The following GRAMD1B variants were observed in gnomAD, a reference collection of about 807,000 sequenced individuals.
GRAMD1B encodes protein Aster-B.
Under a neutral mutation model 99.7 loss-of-function variants are expected in GRAMD1B, and 37 were observed. The ratio of observed to expected loss-of-function variants is 0.37; its 90% CI spans 0.29 to 0.49. The LOEUF is 0.49. GRAMD1B is among the 20% of genes least tolerant of loss of function. GRAMD1B has a pLI of 0.98. For missense variants in GRAMD1B, 888 were observed against 1,009.2 expected, an observed-to-expected ratio of 0.88 and a Z score of 1.63; for synonymous variants, 427 against 387.6, an observed-to-expected ratio of 1.10 and a Z score of -1.19.
At chr11:123,470,606 C>T (rs11219159) in intron 1 of GRAMD1B, among the ~76,000 whole-genome samples, 16,671 of 149,726 alleles carry the variant, frequency 0.11, 1,011 homozygotes, top group South Asian at 0.16. Flanking sequence ...CTCCACCTTT[C>T]GGATTCAAGC....
Position 123,577,591 on chromosome 11 carries a change from C to A in GRAMD1B, c.663+14C>A, listed in dbSNP as rs368507512. 17 of 1,560,068 alleles carry A rather than the reference C, an allele frequency of 1.1e-5. No individual in the cohort carries two copies. The highest frequency in any genetic ancestry group is 1.5e-5 in the Non-Finnish European group (17 of 1,150,106). On this transcript the variant is annotated intron_variant, in intron 3 of 19. Coordinates refer to ENST00000635736, the MANE Select transcript of GRAMD1B (RefSeq NM_001387025.1). ...AAGAATTCCAAGGTGAGCGGGACCCCGTTGAGGCGGTACCTCCTTGTCAGG... is the reference window on the plus strand; with the variant it reads ...AAGAATTCCAAGGTGAGCGGGACCCAGTTGAGGCGGTACCTCCTTGTCAGG...
intron 1 of GRAMD1B, among the ~76,000 whole-genome samples, chr11:123,415,232 A>G (rs534601314): frequency 6.6e-6 from 1 of 151,264 alleles, no homozygotes; most frequent in East Asian, 2.0e-4. Flanking sequence ...CTTCCCGAGT[A>G]GCTGGGACTA....
At position 123,500,046 on chromosome 11, in the gene GRAMD1B, G is replaced by A. The variant is rs78440032; in HGVS notation, c.452+19153G>A. On this transcript the variant is annotated intron_variant, in intron 2 of 19. Coordinates refer to ENST00000635736, the MANE Select transcript of GRAMD1B (RefSeq NM_001387025.1). ...TTATCCTTGTAAATAAGGGTATTTT[G>A]GCCGGACGCAGTGGCTCACGCCTGT... Among the ~76,000 whole-genome samples, 1,510 of 152,284 alleles carry A rather than the reference G, an allele frequency of 9.9e-3. 20 individuals carry two copies. The highest frequency in any genetic ancestry group is 0.035 in the African/African-American group (1,434 of 41,562).
intron 1 of GRAMD1B, among the ~76,000 whole-genome samples, chr11:123,477,588 T>A (rs931556265): frequency 4.8e-5 from 7 of 146,788 alleles, no homozygotes; most frequent in Non-Finnish European, 1.1e-4. Context: ...GTGGCCTCCC[T>A]TTCCCCTCCC....
intron 1 of GRAMD1B, among the ~76,000 whole-genome samples, chr11:123,385,003 T>A (rs1394734002): frequency 2.6e-5 from 4 of 152,236 alleles, no homozygotes; most frequent in Non-Finnish European, 5.9e-5. Context: ...TACTCTAGCT[T>A]ATGTTTCCAG....
chr11:123,618,051 A>T (rs1280196083), intron 17 of GRAMD1B, among the ~76,000 whole-genome samples: 1 of 152,090 alleles, frequency 6.6e-6, no homozygotes, highest in Non-Finnish European at 1.5e-5. Context: ...AGAGCTAGGG[A>T]CCCACTGGAA....
chr11:123,494,828 C>G (rs1207321275), intron 2 of GRAMD1B, among the ~76,000 whole-genome samples: 1 of 152,118 alleles, frequency 6.6e-6, no homozygotes, highest in Non-Finnish European at 1.5e-5. Context: ...TGGGTGGCAA[C>G]TCGGGGGCTC....
At chr11:123,601,515 A>ATG (rs4063751) in intron 8 of GRAMD1B, among the ~76,000 whole-genome samples, 9,101 of 148,868 alleles carry the variant, frequency 0.061, 273 homozygotes, top group Middle Eastern at 0.087. Flanking sequence ...ATTAATTTTT[A>ATG]TGTGTGTGTG....
intron 1 of GRAMD1B, among the ~76,000 whole-genome samples, chr11:123,449,583 A>G (rs1219912780): frequency 1.3e-5 from 2 of 152,078 alleles, no homozygotes; most frequent in African/African-American, 2.4e-5. Context: ...GAGAGCAGAC[A>G]CTGCTTTTTA....
intron 1 of GRAMD1B, among the ~76,000 whole-genome samples, chr11:123,464,414 T>C (rs895978152): frequency 6.6e-6 from 1 of 152,214 alleles, no homozygotes; most frequent in Non-Finnish European, 1.5e-5. Context: ...CATTTCCCAA[T>C]GCCAATTTCA....
In GRAMD1B at chr11:123,381,682, T is replaced by C. The variant is rs1446109679; in HGVS notation, c.-176+22883T>C. Among the ~76,000 whole-genome samples the C allele has an allele frequency of 2.6e-5, 4 of 152,374 alleles. No homozygotes were observed. The South Asian group carries it at 6.2e-4, about 24-fold the overall frequency. Reference sequence around the variant, plus strand: ...AGCAAAGGCTCTAAGAGGCCATGTGTGCACTGAATGCTGCCTGGGGAACAA... The same window carrying C: ...AGCAAAGGCTCTAAGAGGCCATGTGCGCACTGAATGCTGCCTGGGGAACAA... On this transcript the variant is annotated intron_variant, in intron 1 of 20. Transcript: ENST00000638157.
intron 1 of GRAMD1B, among the ~76,000 whole-genome samples, chr11:123,415,095 C>CTT (rs1175202539): frequency 0.013 from 999 of 75,844 alleles, 93 homozygotes; most frequent in Non-Finnish European, 0.015. Flanking sequence ...CTTTTTCTTT[C>CTT]TTTTTTTTTT....
intron 1 of GRAMD1B, among the ~76,000 whole-genome samples, chr11:123,385,457 T>G (rs1947024757): frequency 6.6e-6 from 1 of 152,224 alleles, no homozygotes; most frequent in Admixed American, 6.5e-5. Flanking sequence ...TCCAGCCTCC[T>G]CACTTCCTTC....
intron 3 of GRAMD1B, among the ~76,000 whole-genome samples, chr11:123,579,523 A>G (rs1949097196): frequency 6.6e-6 from 1 of 152,196 alleles, no homozygotes; most frequent in Non-Finnish European, 1.5e-5. Flanking sequence ...TGTGGGCTCC[A>G]GCGGCTCGGC....
chr11:123,420,267 A>G (rs1201936985), intron 1 of GRAMD1B, among the ~76,000 whole-genome samples: 1 of 152,188 alleles, frequency 6.6e-6, no homozygotes, highest in Non-Finnish European at 1.5e-5. Context: ...GCAGTCCTCG[A>G]TAATGGAACC....
chr11:123,610,106 G>C lies in GRAMD1B; in HGVS notation c.1777-90G>C, dbSNP rs1953334609. On this transcript the variant is annotated intron_variant, in intron 13 of 19. Transcript: ENST00000635736. The surrounding 1 kb of genome is among the most constrained non-coding windows in gnomAD (Gnocchi z 4.1). Reference sequence around the variant, plus strand: ...GGTTCTCCTGTTCAGAAGCCGTGGGGTGGGGTGGGCTTGGGGAGGCTGGAG... The same window carrying C: ...GGTTCTCCTGTTCAGAAGCCGTGGGCTGGGGTGGGCTTGGGGAGGCTGGAG... The C allele has an allele frequency of 8.2e-7, 1 of 1,214,256 alleles. No individual in the cohort carries two copies. Among genetic ancestry groups the C allele is most frequent in the Non-Finnish European group, 1.2e-6 (1 of 839,766 alleles). 75.2% of individuals were successfully genotyped at this position (1,214,256 alleles called of 1,614,324 possible).
intron 19 of GRAMD1B, among the ~76,000 whole-genome samples, chr11:123,620,211 C>T (rs775917619): frequency 1.2e-4 from 18 of 152,216 alleles, no homozygotes; most frequent in Admixed American, 2.6e-4. Flanking sequence ...TGGTGGGTCA[C>T]GCCTATAATC....
chr11:123,384,089 T>G (rs1216399326), intron 1 of GRAMD1B, among the ~76,000 whole-genome samples: 1 of 152,062 alleles, frequency 6.6e-6, no homozygotes, highest in Non-Finnish European at 1.5e-5. Context: ...AGGGTGGTCT[T>G]GAACTCCTGA....
chr11:123,421,551 A>G (rs553114029), intron 1 of GRAMD1B, among the ~76,000 whole-genome samples: 1 of 152,340 alleles, frequency 6.6e-6, no homozygotes, highest in South Asian at 2.1e-4. Context: ...CCTGAGTGAG[A>G]TAGAGTAGAA....
Sources: allele counts gnomAD v4.1 joint callset (sites outside exome capture counted in the v4.1 genomes callset), GRCh38; gene constraint gnomAD v4.1.1; non-coding constraint Gnocchi (gnomAD v3.1); transcripts MANE v1.5; gene names NCBI Gene and HGNC (gene_info 2026-07-23, HGNC 2026-07-21).